The following BACE2 variants were observed in gnomAD, a reference collection of about 807,000 sequenced individuals.
The protein encoded by BACE2 is beta-secretase 2.
Under a neutral mutation model 46.2 loss-of-function variants are expected in BACE2, and 17 were observed. The ratio of observed to expected loss-of-function variants is 0.37; its 90% CI spans 0.25 to 0.55. The LOEUF (loss-of-function observed/expected upper bound fraction) is 0.55. Among genes scored for constraint, BACE2 ranks in the 20% least tolerant of loss-of-function variants. BACE2 has a pLI of 0.82. For missense variants in BACE2, 595 were observed against 698.1 expected, an observed-to-expected ratio of 0.85 and a Z score of 1.66; for synonymous variants, 277 against 295.9, an observed-to-expected ratio of 0.94 and a Z score of 0.66.
At chr21:41,213,042 A>T (rs546903777) in intron 1 of BACE2, among the ~76,000 whole-genome samples, 2 of 152,278 alleles carry the variant, frequency 1.3e-5, no homozygotes, top group South Asian at 4.1e-4. Context: ...CCTAATTGGC[A>T]TTCTCTCTGC....
chr21:41,228,206 C>T (rs936494474), intron 2 of BACE2, among the ~76,000 whole-genome samples: 8 of 152,164 alleles, frequency 5.3e-5, no homozygotes, highest in African/African-American at 1.2e-4. Context: ...AATGTATAAC[C>T]GGCTAATCAG....
chr21:41,185,682 A>G (rs1448921658), intron 1 of BACE2, among the ~76,000 whole-genome samples: 1 of 152,252 alleles, frequency 6.6e-6, no homozygotes, highest in Non-Finnish European at 1.5e-5. Flanking sequence ...AGGGTGGCCT[A>G]TAATACCGAT....
chr21:41,169,957 C>G (rs1194653762), intron 1 of BACE2, among the ~76,000 whole-genome samples: 1 of 152,160 alleles, frequency 6.6e-6, no homozygotes, highest in Non-Finnish European at 1.5e-5. Flanking sequence ...GAACATGTGC[C>G]TGGTGCTGAG....
intron 1 of BACE2, among the ~76,000 whole-genome samples, chr21:41,225,131 G>A (rs1601285578): frequency 1.3e-5 from 2 of 152,004 alleles, no homozygotes; most frequent in East Asian, 3.9e-4. Flanking sequence ...CTACTGAGGA[G>A]GCTGAGGCAG....
chr21:41,203,608 A>G (rs1229925142), intron 1 of BACE2, among the ~76,000 whole-genome samples: 1 of 152,110 alleles, frequency 6.6e-6, no homozygotes, highest in Non-Finnish European at 1.5e-5. Flanking sequence ...GCAGCAGCTG[A>G]TCATGCCTCT....
At chr21:41,189,629 T>G (rs919675108) in intron 1 of BACE2, among the ~76,000 whole-genome samples, 5 of 152,232 alleles carry the variant, frequency 3.3e-5, no homozygotes, top group Non-Finnish European at 7.3e-5. Context: ...TTCCTCACTA[T>G]CTCATGATTA....
At chr21:41,173,766 T>C (rs1178000695) in intron 1 of BACE2, among the ~76,000 whole-genome samples, 1 of 152,106 alleles carries the variant, frequency 6.6e-6, no homozygotes, top group Non-Finnish European at 1.5e-5. Context: ...ATTTAAAATG[T>C]CCCATGTCAT....
chr21:41,219,935 G>C (rs769238705), intron 1 of BACE2, among the ~76,000 whole-genome samples: 4 of 152,290 alleles, frequency 2.6e-5, no homozygotes, highest in Admixed American at 6.5e-5. Flanking sequence ...TGTCTGCCTG[G>C]GGATGGCGTG....
chr21:41,225,233 CA>C (rs145113710), intron 1 of BACE2, among the ~76,000 whole-genome samples: 25,077 of 118,900 alleles, frequency 0.21, 2,135 homozygotes, highest in Middle Eastern at 0.29. Flanking sequence ...GACTCCATCT[CA>C]AAAAAAAAAA....
chr21:41,208,841 G>T (rs1234363216), intron 1 of BACE2, among the ~76,000 whole-genome samples: 1 of 152,160 alleles, frequency 6.6e-6, no homozygotes. Context: ...GCCCCTAGGG[G>T]TAGGGAAGGT....
chr21:41,271,192 T>TA (rs2088430751), intron 8 of BACE2, among the ~76,000 whole-genome samples: 1 of 152,214 alleles, frequency 6.6e-6, no homozygotes. Flanking sequence ...GTCTTAACAT[T>TA]AAAAGTGAGT....
chr21:41,225,248 AAT>A (rs1449616534), intron 1 of BACE2, among the ~76,000 whole-genome samples: 15 of 152,014 alleles, frequency 9.9e-5, no homozygotes, highest in African/African-American at 3.4e-4. Flanking sequence ...AAAAAAAAAA[AAT>A]ATCTAGTCTA....
intron 1 of BACE2, among the ~76,000 whole-genome samples, chr21:41,208,869 A>T (rs190564307): frequency 5.9e-5 from 9 of 152,282 alleles, no homozygotes; most frequent in African/African-American, 1.9e-4. Context: ...CCGTGGAGGC[A>T]GCACCTGGAT....
intron 7 of BACE2, among the ~76,000 whole-genome samples, chr21:41,254,428 G>T (rs191962801): frequency 7.9e-5 from 12 of 152,258 alleles, no homozygotes; most frequent in African/African-American, 2.9e-4. Flanking sequence ...CCAGGACTCT[G>T]TGTATTCGTG....
intron 1 of BACE2, among the ~76,000 whole-genome samples, chr21:41,217,922 GAAGGGCC>G (rs1316558921): frequency 1.3e-5 from 2 of 152,198 alleles, no homozygotes; most frequent in African/African-American, 4.8e-5. Context: ...GGAGAGACAA[GAAGGGCC>G]CTCCCCTGGA....
intron 1 of BACE2, among the ~76,000 whole-genome samples, chr21:41,215,008 T>C (rs1986415382): frequency 6.6e-6 from 1 of 152,104 alleles, no homozygotes; most frequent in Admixed American, 6.5e-5. Flanking sequence ...CACTGAGGCC[T>C]GGTCACTTGC....
chr21:41,168,230 A>C lies in BACE2; in HGVS notation c.-34A>C. On this transcript the variant is annotated 5_prime_UTR_variant, in exon 1 of 9. Transcript: ENST00000330333. ...GCTGCCGGACGGGACGGGACCGGCT[A>C]GGCTGGGCGCGCCCCCCGGGCCCCG... 1 of 1,111,856 alleles carries C rather than the reference A, an allele frequency of 9.0e-7. No homozygotes were observed. Among genetic ancestry groups the C allele is most frequent in the Non-Finnish European group, 1.1e-6 (1 of 908,854 alleles). The allele number at this position is 1,111,856 out of a possible 1,614,324, so 68.9% of individuals were successfully genotyped here. A position where few individuals can be genotyped will look rare whatever the true frequency, so the allele number is the denominator to read the frequency against.
intron 1 of BACE2, among the ~76,000 whole-genome samples, chr21:41,194,545 T>A (rs1017217469): frequency 6.6e-6 from 1 of 152,234 alleles, no homozygotes; most frequent in Non-Finnish European, 1.5e-5. Context: ...CTGTCAAGTG[T>A]GGCCAAGATA....
chr21:41,272,290 TATG>T (rs2088441855), intron 8 of BACE2, among the ~76,000 whole-genome samples: 3 of 152,158 alleles, frequency 2.0e-5, no homozygotes, highest in Non-Finnish European at 4.4e-5. Flanking sequence ...TATTATAATC[TATG>T]TCATGTTTCT....
Sources: allele counts gnomAD v4.1 joint callset (sites outside exome capture counted in the v4.1 genomes callset), GRCh38; gene constraint gnomAD v4.1.1; transcripts MANE v1.5; gene names NCBI Gene and HGNC (gene_info 2026-07-23, HGNC 2026-07-21).